The following FGD6 variants were observed in gnomAD, a reference collection of about 807,000 sequenced individuals.
FGD6 encodes the protein FYVE, RhoGEF and PH domain-containing protein 6.
FGD6 carries 90 observed loss-of-function variants against 149.4 expected under a neutral mutation model. The ratio of observed to expected loss-of-function variants is 0.60; its 90% CI spans 0.51 to 0.72. The LOEUF is 0.72. Among genes scored for constraint, FGD6 ranks in the 30% least tolerant of loss-of-function variants. The pLI, the probability that FGD6 is intolerant of heterozygous loss-of-function variation, is 0.00. For synonymous variants in FGD6, 527 were observed against 584.0 expected (o/e 0.90, Z 1.41); for missense variants, 1,437 against 1,684.8 (o/e 0.85, Z 2.57).
chr12:95,209,343 A>G lies in FGD6; in HGVS notation c.1941T>C (p.Phe647=), dbSNP rs573903937. 6.2e-7 allele frequency: 1 copy of G among 1,612,908 alleles called. No homozygotes were observed. The highest frequency in any genetic ancestry group is 1.3e-5 in the African/African-American group (1 of 74,948). ...CTCCGAGTTGGCTACTCTTGGACCA[A>G]AATTTTTGAAAGTCACTCTTCATGA... The part of the protein sequence containing the change: ...ICFMKSDFQK[F]WSKSSQLGDT... The change falls in exon 2 of 21, where the codon TTT becomes TTC. Residue 647 remains phenylalanine (F), a synonymous_variant. Coordinates refer to ENST00000343958, the MANE Select transcript of FGD6 (RefSeq NM_018351.4).
rs945116162 is a variant in FGD6 at position 95,080,942 on chromosome 12, T to C, written c.*578A>G. 2.6e-5 allele frequency: 4 copies of C among 152,238 alleles called. No homozygotes were observed. The highest frequency in any genetic ancestry group is 5.9e-5 in the Non-Finnish European group (4 of 68,040). 9.4% of individuals were successfully genotyped at this position (152,238 alleles called of 1,614,324 possible). On this transcript the variant is annotated 3_prime_UTR_variant, in exon 21 of 21. Coordinates refer to ENST00000343958, the MANE Select transcript of FGD6 (RefSeq NM_018351.4). ...CCAAAGAGGTACCTAACAACAGAAA[T>C]ACTTTAGATAATTTACTGAAATTTC...
rs561490265 is a variant in FGD6, at chr12:95,201,280, T to A, written c.2441+7563A>T. Among the ~76,000 whole-genome samples, 7 of 152,276 alleles carry A rather than the reference T, an allele frequency of 4.6e-5. No individual in the cohort carries two copies. In the South Asian group the frequency reaches 1.4e-3, roughly 32 times the overall value. ...ATAAAAGTTCATCTCCACCTCTTCA[T>A]CCTGTTCCCTTCCCCCTTGCTATTT... is the stretch of plus-strand genomic sequence containing the variant. On this transcript the variant is annotated intron_variant, in intron 2 of 20. Coordinates refer to ENST00000343958, the MANE Select transcript of FGD6 (RefSeq NM_018351.4).
chr12:95,112,160 G>C (rs1302008167), intron 9 of FGD6, among the ~76,000 whole-genome samples: 1 of 152,052 alleles, frequency 6.6e-6, no homozygotes, highest in Non-Finnish European at 1.5e-5. Flanking sequence ...CTTGAGCCCA[G>C]GAGGTTGAGG....
chr12:95,122,030 T>C (rs1358446095), intron 8 of FGD6, among the ~76,000 whole-genome samples: 2 of 152,220 alleles, frequency 1.3e-5, no homozygotes, highest in Admixed American at 1.3e-4. Context: ...AATTAATAGA[T>C]CTATTCTTGC....
intron 8 of FGD6, among the ~76,000 whole-genome samples, chr12:95,122,476 T>C (rs921609448): frequency 3.3e-5 from 5 of 151,260 alleles, no homozygotes; most frequent in Non-Finnish European, 7.4e-5. Flanking sequence ...TGAAACCCCG[T>C]CTCTACTAAA....
intron 3 of FGD6, among the ~76,000 whole-genome samples, chr12:95,155,267 C>T (rs896998394): frequency 6.6e-6 from 1 of 152,180 alleles, no homozygotes; most frequent in South Asian, 2.1e-4. Context: ...TGGCTCACAC[C>T]TGTAATTCCA....
chr12:95,148,816 TATTATATATATTATATA>T, intron 5 of FGD6, among the ~76,000 whole-genome samples: 1 of 56,566 alleles, frequency 1.8e-5, no homozygotes, highest in African/African-American at 6.1e-5. Context: ...ATATTACATA[TATTATATATATTATATA>T]ATATATAGCA....
chr12:95,121,672 T>A, intron 8 of FGD6, among the ~76,000 whole-genome samples: 1 of 151,744 alleles, frequency 6.6e-6, no homozygotes. Flanking sequence ...TATTATTATT[T>A]TTGAGATGGA....
chr12:95,163,999 T>G (rs1377530175), intron 3 of FGD6, among the ~76,000 whole-genome samples: 1 of 152,210 alleles, frequency 6.6e-6, no homozygotes, highest in Non-Finnish European at 1.5e-5. Flanking sequence ...TCTCAACTTT[T>G]CAGCTAATGA....
At chr12:95,190,563 A>G (rs1881558860) in intron 2 of FGD6, among the ~76,000 whole-genome samples, 1 of 152,180 alleles carries the variant, frequency 6.6e-6, no homozygotes. Context: ...TAATTAGTCC[A>G]TTCCAGGGCT....
At position 95,077,430 on chromosome 12, in the gene FGD6, T is replaced by C. The variant is rs1490971846; in HGVS notation, c.*4090A>G. 6.6e-6 allele frequency: 1 copy of C among 151,996 alleles called. No homozygotes were observed. The highest frequency in any genetic ancestry group is 2.4e-5 in the African/African-American group (1 of 41,324). The allele number at this position is 151,996 out of a possible 1,614,324, so 9.4% of individuals were successfully genotyped here. On this transcript the variant is annotated 3_prime_UTR_variant, in exon 21 of 21. Coordinates refer to ENST00000343958, the MANE Select transcript of FGD6 (RefSeq NM_018351.4). Reference sequence around the variant, plus strand: ...CAGAGAAGTCTTGGATAAACAGAGATGCGGATGGGTCAATGAGGAAGGAAA... The same window carrying C: ...CAGAGAAGTCTTGGATAAACAGAGACGCGGATGGGTCAATGAGGAAGGAAA...
At chr12:95,187,765 G>A (rs1431472101) in intron 2 of FGD6, among the ~76,000 whole-genome samples, 2 of 152,074 alleles carry the variant, frequency 1.3e-5, no homozygotes, top group Non-Finnish European at 2.9e-5. Context: ...CCTACAGTGA[G>A]GTCATGTGAG....
At chr12:95,154,364 A>AAG (rs1449548715) in intron 3 of FGD6, among the ~76,000 whole-genome samples, 2 of 152,196 alleles carry the variant, frequency 1.3e-5, no homozygotes, top group African/African-American at 2.4e-5. Flanking sequence ...ATGACTCAAA[A>AAG]AGAGGTCTCA....
chr12:95,196,445 T>C (rs983608131), intron 2 of FGD6, among the ~76,000 whole-genome samples: 1 of 152,034 alleles, frequency 6.6e-6, no homozygotes, highest in Non-Finnish European at 1.5e-5. Flanking sequence ...TTGGCCAGGC[T>C]GGTCTCAAAC....
intron 14 of FGD6, among the ~76,000 whole-genome samples, chr12:95,099,263 G>A (rs1035162486): frequency 6.6e-6 from 1 of 152,178 alleles, no homozygotes; most frequent in African/African-American, 2.4e-5. Flanking sequence ...CTTACTGAAC[G>A]AAGGGATGAA....
intron 8 of FGD6, among the ~76,000 whole-genome samples, chr12:95,120,667 A>G (rs896066192): frequency 6.6e-6 from 1 of 152,210 alleles, no homozygotes; most frequent in African/African-American, 2.4e-5. Context: ...AGCCTGGGTG[A>G]CAGAGTGAAA....
chr12:95,208,737 A>C, intron 2 of FGD6, 106 bp downstream of exon 2: 564 of 1,148,450 alleles, frequency 4.9e-4, no homozygotes, highest in Middle Eastern at 6.0e-4. Flanking sequence ...TTTCTAAACT[A>C]TTCCTTCAAC....
intron 7 of FGD6, among the ~76,000 whole-genome samples, chr12:95,136,148 A>G (rs1407227342): frequency 6.6e-6 from 1 of 152,204 alleles, no homozygotes; most frequent in African/African-American, 2.4e-5. Flanking sequence ...TCATGAGATC[A>G]GGAGTTCGAG....
At position 95,146,618 on chromosome 12, in the gene FGD6, C is replaced by T. The variant is rs550510572; in HGVS notation, c.2686-5079G>A. 3.3e-5 allele frequency among the ~76,000 whole-genome samples: 5 copies of T among 152,246 alleles called. 1 individual carries two copies. Among genetic ancestry groups the T allele is most frequent in the African/African-American group, 1.2e-4 (5 of 41,544 alleles). ...CCTCGACTTCATCCTTACAACAAAA[C>T]CTACCAAAGATTCTGCATGCAAAAT... On this transcript the variant is annotated intron_variant, in intron 5 of 20. Coordinates refer to ENST00000343958, the MANE Select transcript of FGD6 (RefSeq NM_018351.4).
Sources: allele counts gnomAD v4.1 joint callset (sites outside exome capture counted in the v4.1 genomes callset), GRCh38; gene constraint gnomAD v4.1.1; transcripts MANE v1.5; gene names NCBI Gene and HGNC (gene_info 2026-07-23, HGNC 2026-07-21).